MUC13: variants seen among roughly 807,000 people sequenced by gnomAD.
MUC13 encodes mucin-13.
A neutral mutation model predicts 48.3 loss-of-function variants in MUC13; 32 were observed. The observed-to-expected ratio is 0.66, with a 90% CI of 0.50 to 0.89. The LOEUF (loss-of-function observed/expected upper bound fraction) is 0.89, where lower values mean the gene tolerates loss of function less well. MUC13 is among the 40% of genes least tolerant of loss of function. MUC13 has a pLI of 0.00. For synonymous variants in MUC13, 199 were observed against 224.9 expected (o/e 0.88, Z 1.03); for missense variants, 571 against 622.8 (o/e 0.92, Z 0.88).
chr3:124,928,077 T>G (rs934420939), intron 1 of MUC13, 84 bp from the exon 2 acceptor site: 21 of 862,690 alleles, frequency 2.4e-5, no homozygotes, highest in Middle Eastern at 3.6e-4. Flanking sequence ...CATATCCAAC[T>G]CATTCTTTTT....
intron 1 of MUC13, among the ~76,000 whole-genome samples, chr3:124,929,257 C>T (rs903298987): frequency 4.0e-5 from 6 of 151,282 alleles, no homozygotes; most frequent in South Asian, 2.1e-4. Context: ...CTCACTGCAG[C>T]GCTGAAACTC....
In MUC13 at chr3:124,908,310, A is replaced by G. The variant is rs749216405; in HGVS notation, c.1376T>C (p.Leu459Ser). 1 of 1,614,254 alleles carries G rather than the reference A, an allele frequency of 6.2e-7. No individual in the cohort carries two copies. The highest frequency in any genetic ancestry group is 8.5e-7 in the Non-Finnish European group (1 of 1,180,050). Residue 459 changes from leucine to serine, a missense_variant, in exon 11 of 12, where the codon TTG (leucine) becomes TCG (serine). Coordinates refer to ENST00000616727, the MANE Select transcript of MUC13 (RefSeq NM_033049.4). Reference sequence around the variant, plus strand: ...TAGATTTTGAAAGTCTTCGTCAATCAAGTTCTCTTCTTCAATATGCTTCGT... The same window carrying G: ...TAGATTTTGAAAGTCTTCGTCAATCGAGTTCTCTTCTTCAATATGCTTCGT... Reference protein sequence around the residue: ...NKTKHIEEENLIDEDFQNLKL... With the variant: ...NKTKHIEEENSIDEDFQNLKL...
chr3:124,920,143 G>A (rs531821419), intron 5 of MUC13, 91 bp downstream of exon 5: 3 of 1,065,996 alleles, frequency 2.8e-6, no homozygotes, highest in African/African-American at 3.1e-5. Context: ...ACTTGCCACA[G>A]AGGGCCTTAA....
chr3:124,919,089 G>C, intron 5 of MUC13, among the ~76,000 whole-genome samples: 1 of 151,306 alleles, frequency 6.6e-6, no homozygotes, highest in East Asian at 2.0e-4. Context: ...TGTAATCCCA[G>C]CACTTTGGGA....
At chr3:124,923,438 G>C in intron 3 of MUC13, 89 bp downstream of exon 3, 1 of 1,383,818 alleles carries the variant, frequency 7.2e-7, no homozygotes, top group Non-Finnish European at 9.9e-7. Context: ...TCATATTTTG[G>C]AATCTCCTTT....
At position 124,913,037 on chromosome 3, in the gene MUC13, A is replaced by G. The variant is rs1470380192; in HGVS notation, c.1214+74T>C. 3.8e-6 allele frequency: 6 copies of G among 1,570,208 alleles called. No homozygotes were observed. The East Asian group carries it at 1.4e-4, about 35-fold the overall frequency. On this transcript the variant is annotated intron_variant, in intron 8 of 11. Coordinates refer to ENST00000616727, the MANE Select transcript of MUC13 (RefSeq NM_033049.4). ...ACCAGCTTCCTGACTCAACACCTAT[A>G]TACGTGTTGTAAGGTCTCTCTACTT...
At chr3:124,923,687 A>G in intron 2 of MUC13, 38 bp from the exon 3 acceptor site, 1 of 1,599,912 alleles carries the variant, frequency 6.3e-7, no homozygotes, top group Non-Finnish European at 8.5e-7. Flanking sequence ...ATCCAGAGAA[A>G]TGACAATAAA....
intron 2 of MUC13, 43 bp downstream of exon 2, chr3:124,927,489 G>T: frequency 6.4e-7 from 1 of 1,573,216 alleles, no homozygotes; most frequent in Non-Finnish European, 8.7e-7. Flanking sequence ...CTCCACAATT[G>T]TACTCTCCAT....
intron 11 of MUC13, among the ~76,000 whole-genome samples, chr3:124,907,121 C>T (rs778006611): frequency 2.6e-5 from 4 of 152,354 alleles, no homozygotes; most frequent in African/African-American, 7.2e-5. Context: ...TAGAGAAATA[C>T]AGTATCACCA....
rs759777897 is a variant in MUC13 at position 124,913,590 on chromosome 3, C to G, written c.1056G>C (p.Arg352Ser). Residue 352 changes from arginine (R) to serine (S), a missense_variant, in exon 7 of 12, where the codon AGG (arginine) becomes AGC (serine). Physicochemically the swap from Arg to Ser is moderately radical, Grantham distance 110. Coordinates refer to ENST00000616727, the MANE Select transcript of MUC13 (RefSeq NM_033049.4). ...CGCAGAAAGGGCTCTGTGGGTTAGGCCTTTGCAGGTCAGATTTGCAATCGC... is the reference window on the plus strand; with the variant it reads ...CGCAGAAAGGGCTCTGTGGGTTAGGGCTTTGCAGGTCAGATTTGCAATCGC... ...LACDCKSDLQ[R>S]PNPQSPFCVA... The G allele has an allele frequency of 4.3e-6, 7 of 1,614,064 alleles. No homozygotes were observed. The highest frequency in any genetic ancestry group is 5.9e-6 in the Non-Finnish European group (7 of 1,180,038).
chr3:124,910,559 C>T (rs1935403702), intron 9 of MUC13, 60 bp from the exon 10 acceptor site: 1 of 1,601,832 alleles, frequency 6.2e-7, no homozygotes, highest in Non-Finnish European at 8.5e-7. Flanking sequence ...CTGTCTACTG[C>T]ACAGGTTCGT....
intron 1 of MUC13, 98 bp from the exon 2 acceptor site, chr3:124,928,091 T>G: frequency 9.5e-7 from 1 of 1,055,686 alleles, no homozygotes; most frequent in East Asian, 2.6e-5. Context: ...TCTTTTTTTT[T>G]TTTTTTTAGA....
intron 1 of MUC13, 85 bp downstream of exon 1, chr3:124,934,576 A>G: frequency 1.1e-6 from 1 of 895,176 alleles, no homozygotes; most frequent in Non-Finnish European, 1.9e-6. Context: ...CTGGGCTGGG[A>G]GAATTGGTAG....
chr3:124,922,751 TG>T (rs1935624514), intron 3 of MUC13, among the ~76,000 whole-genome samples: 1 of 152,258 alleles, frequency 6.6e-6, no homozygotes, highest in South Asian at 2.1e-4. Flanking sequence ...ATTACAGGTG[TG>T]AGCTCCTATG....
rs74599382 is a variant in MUC13, at chr3:124,916,504, C to T, written c.801-24G>A. 6,609 of 1,593,808 alleles carry T rather than the reference C, an allele frequency of 4.1e-3. 267 individuals carry two copies. In the African/African-American group the frequency reaches 0.078, roughly 19 times the overall value. Reference sequence around the variant, plus strand: ...TGCTAAAAATGAGATGAATCTGTCACTTAATGAATTGAACTGAAGAATCAA... The same window carrying T: ...TGCTAAAAATGAGATGAATCTGTCATTTAATGAATTGAACTGAAGAATCAA... On this transcript the variant is annotated intron_variant, in intron 5 of 11. Transcript: ENST00000616727.
At chr3:124,922,163 T>C in intron 4 of MUC13, 34 bp downstream of exon 4, 3 of 1,611,850 alleles carry the variant, frequency 1.9e-6, no homozygotes, top group Middle Eastern at 1.7e-4. Context: ...GAACAAAGAA[T>C]GCTTTACAGA....
At chr3:124,923,915 A>G (rs1662147948) in intron 2 of MUC13, among the ~76,000 whole-genome samples, 1 of 152,220 alleles carries the variant, frequency 6.6e-6, no homozygotes, top group African/African-American at 2.4e-5. Flanking sequence ...GCCCAAAGAA[A>G]GAGAGATTGC....
intron 1 of MUC13, among the ~76,000 whole-genome samples, chr3:124,929,968 A>G (rs1935766146): frequency 6.6e-6 from 1 of 152,238 alleles, no homozygotes; most frequent in Admixed American, 6.5e-5. Flanking sequence ...GGTGCCCTCT[A>G]TCATCGGAGT....
intron 1 of MUC13, among the ~76,000 whole-genome samples, chr3:124,932,445 A>T (rs1433554722): frequency 2.0e-5 from 3 of 151,944 alleles, no homozygotes; most frequent in Admixed American, 2.0e-4. Context: ...AGGTGCCTGT[A>T]ATCCCAGCTA....
Sources: allele counts gnomAD v4.1 joint callset (sites outside exome capture counted in the v4.1 genomes callset), GRCh38; gene constraint gnomAD v4.1.1; transcripts MANE v1.5; gene names NCBI Gene and HGNC (gene_info 2026-07-23, HGNC 2026-07-21).